Variants in UNC5C observed in about 807,000 individuals in gnomAD.
The protein encoded by UNC5C is unc-5 netrin receptor C, also known as netrin receptor UNC5C.
In UNC5C, 47 loss-of-function variants were observed where a neutral mutation model predicts 99.8. That is an observed-to-expected ratio of 0.47 (90% CI 0.37 to 0.60). The LOEUF (loss-of-function observed/expected upper bound fraction) is 0.60, where lower values mean the gene tolerates loss of function less well. Ranked by LOEUF, UNC5C falls within the 20% of genes least tolerant of loss-of-function variation. The probability of loss-of-function intolerance (pLI) is 0.00; values close to 1 mark genes in which losing one functional copy is unlikely to be tolerated. For missense variants in UNC5C, 1,062 were observed against 1,165.9 expected (o/e 0.91, Z 1.30); for synonymous variants, 487 against 452.2 (o/e 1.08, Z -0.98).
chr4:95,258,582 A>G (rs2149385449), intron 4 of UNC5C, among the ~76,000 whole-genome samples: 1 of 151,986 alleles, frequency 6.6e-6, no homozygotes, highest in South Asian at 2.1e-4. Context: ...CCTTTCAATG[A>G]TTTGGGGCAT....
At chr4:95,316,164 C>T (rs1742469188) in intron 2 of UNC5C, among the ~76,000 whole-genome samples, 1 of 151,762 alleles carries the variant, frequency 6.6e-6, no homozygotes, top group African/African-American at 2.4e-5. Context: ...GCATGACCTA[C>T]TATATATGTA....
At chr4:95,426,701 G>T (rs1343761093) in intron 1 of UNC5C, among the ~76,000 whole-genome samples, 1 of 152,174 alleles carries the variant, frequency 6.6e-6, no homozygotes, top group Non-Finnish European at 1.5e-5. Flanking sequence ...TTAGTGGTCT[G>T]GATAGAAGAT....
chr4:95,347,791 C>T (rs1586166), intron 1 of UNC5C, among the ~76,000 whole-genome samples: 81,060 of 151,822 alleles, frequency 0.53, 22,501 homozygotes, highest in East Asian at 0.85. Flanking sequence ...TCTAAGACCT[C>T]AAACCATGGA....
intron 10 of UNC5C, among the ~76,000 whole-genome samples, chr4:95,213,859 C>T (rs931573620): frequency 9.9e-5 from 15 of 152,174 alleles, no homozygotes; most frequent in African/African-American, 3.6e-4. Context: ...TCCAAAAATG[C>T]ACCGTAATAC....
intron 1 of UNC5C, among the ~76,000 whole-genome samples, chr4:95,382,652 G>T (rs1012643676): frequency 5.9e-5 from 9 of 152,058 alleles, no homozygotes; most frequent in African/African-American, 2.2e-4. Context: ...CCTCATTTGG[G>T]TAAGGACAGT....
intron 1 of UNC5C, among the ~76,000 whole-genome samples, chr4:95,429,547 G>GA (rs993965975): frequency 6.3e-4 from 95 of 151,756 alleles, no homozygotes; most frequent in Middle Eastern, 3.4e-3. Context: ...GTTAAATGGA[G>GA]AAAAAAAAGA....
intron 1 of UNC5C, among the ~76,000 whole-genome samples, chr4:95,490,366 G>C (rs265013): frequency 5.5e-4 from 83 of 151,594 alleles, no homozygotes; most frequent in African/African-American, 1.8e-3. Flanking sequence ...TAAGCATTCA[G>C]TCACATTTTA....
chr4:95,424,229 T>C (rs1746398338), intron 1 of UNC5C, among the ~76,000 whole-genome samples: 1 of 152,092 alleles, frequency 6.6e-6, no homozygotes, highest in South Asian at 2.1e-4. Context: ...TAAACCGGAA[T>C]AACCTTTGAC....
chr4:95,226,300 C>T (rs944428358), intron 7 of UNC5C, among the ~76,000 whole-genome samples: 4 of 152,194 alleles, frequency 2.6e-5, no homozygotes, highest in East Asian at 1.9e-4. Context: ...AGAGCTTTGC[C>T]GAACTACTTC....
intron 2 of UNC5C, among the ~76,000 whole-genome samples, chr4:95,335,055 C>T (rs1228789287): frequency 6.6e-6 from 1 of 151,856 alleles, no homozygotes; most frequent in African/African-American, 2.4e-5. Flanking sequence ...AAAATGCTCC[C>T]CAGATCTCGG....
intron 1 of UNC5C, among the ~76,000 whole-genome samples, chr4:95,492,073 G>T (rs1289928300): frequency 6.6e-6 from 1 of 151,148 alleles, no homozygotes; most frequent in Non-Finnish European, 1.5e-5. Flanking sequence ...TGTGTGTGTA[G>T]TTGTGAGGAA....
chr4:95,424,017 C>T (rs1746393876), intron 1 of UNC5C, among the ~76,000 whole-genome samples: 1 of 152,094 alleles, frequency 6.6e-6, no homozygotes, highest in African/African-American at 2.4e-5. Flanking sequence ...TTTCCACAAA[C>T]TAAATTAAAT....
intron 5 of UNC5C, chr4:95,248,376 C>G (rs1010926658): frequency 8.9e-6 from 3 of 336,302 alleles, no homozygotes; most frequent in African/African-American, 6.6e-5. Context: ...CAAAGAGTAG[C>G]AAGTTATGAA....
At chr4:95,241,466 C>T (rs1052251884) in intron 7 of UNC5C, among the ~76,000 whole-genome samples, 4 of 152,126 alleles carry the variant, frequency 2.6e-5, no homozygotes, top group African/African-American at 9.7e-5. Context: ...GTGGTAAAAA[C>T]AAAATATTTT....
chr4:95,496,735 A>G (rs1484591664), intron 1 of UNC5C, among the ~76,000 whole-genome samples: 1 of 151,832 alleles, frequency 6.6e-6, no homozygotes, highest in Non-Finnish European at 1.5e-5. Flanking sequence ...GTTCTTGGTT[A>G]CATGGATAAG....
intron 1 of UNC5C, among the ~76,000 whole-genome samples, chr4:95,453,157 C>CAG (rs1747323958): frequency 6.6e-6 from 1 of 152,060 alleles, no homozygotes; most frequent in African/African-American, 2.4e-5. Flanking sequence ...CTGAACCTAC[C>CAG]AGACTAAGCA....
intron 1 of UNC5C, among the ~76,000 whole-genome samples, chr4:95,351,635 T>C (rs1225875384): frequency 1.3e-5 from 2 of 152,042 alleles, no homozygotes; most frequent in African/African-American, 4.8e-5. Context: ...CAGTGAGCTA[T>C]GACCATGCCA....
chr4:95,507,238 T>C (rs1721947828), intron 1 of UNC5C, among the ~76,000 whole-genome samples: 2 of 151,958 alleles, frequency 1.3e-5, no homozygotes, highest in Admixed American at 6.6e-5. Context: ...AATCAGCAGA[T>C]ACAAAGGAAA....
chr4:95,534,093 A>G (rs910334108), intron 1 of UNC5C, among the ~76,000 whole-genome samples: 8 of 152,222 alleles, frequency 5.3e-5, no homozygotes, highest in Non-Finnish European at 8.8e-5. Context: ...AACGTTCCCT[A>G]CAGCACAGCA....
Sources: allele counts gnomAD v4.1 joint callset (sites outside exome capture counted in the v4.1 genomes callset), GRCh38; gene constraint gnomAD v4.1.1; transcripts MANE v1.5; gene names NCBI Gene and HGNC (gene_info 2026-07-23, HGNC 2026-07-21).